The following RABGAP1 variants were observed in gnomAD, a reference collection of about 807,000 sequenced individuals.
The protein encoded by RABGAP1 is RAB GTPase activating protein 1, also known as rab GTPase-activating protein 1.
In RABGAP1, 23 loss-of-function variants were observed where a neutral mutation model predicts 137.6. That is an observed-to-expected ratio of 0.17 (90% confidence interval 0.12 to 0.24). The LOEUF (loss-of-function observed/expected upper bound fraction) is 0.24. Among genes scored for constraint, RABGAP1 ranks in the 10% least tolerant of loss-of-function variants. The pLI, the probability that RABGAP1 is intolerant of heterozygous loss-of-function variation, is 1.00. For missense variants in RABGAP1, 906 were observed against 1,275.8 expected, an observed-to-expected ratio of 0.71 and a Z score of 4.42; for synonymous variants, 451 against 450.7, an observed-to-expected ratio of 1.00 and a Z score of -0.01.
chr9:123,034,246 A>T, intron 13 of RABGAP1: 1 of 373,776 alleles, frequency 2.7e-6, no homozygotes. Flanking sequence ...CTTTCCCCCT[A>T]CCCTCACTTG....
In RABGAP1 at chr9:123,018,155, C is replaced by T. The variant is rs917746853; in HGVS notation, c.1644-2154C>T. Reference sequence around the variant, plus strand: ...GACTACAGGTGCCCGCCACCTCGTCCGGCTAATTTTTTGTATTTTTAGTAG... The same window carrying T: ...GACTACAGGTGCCCGCCACCTCGTCTGGCTAATTTTTTGTATTTTTAGTAG... On this transcript the variant is annotated intron_variant, in intron 12 of 25. Coordinates refer to ENST00000373647, the MANE Select transcript of RABGAP1 (RefSeq NM_012197.4). Among the ~76,000 whole-genome samples the T allele has an allele frequency of 2.0e-4, 31 of 152,174 alleles. No individual in the cohort carries two copies. In the East Asian group the frequency reaches 5.2e-3, roughly 26 times the overall value.
chr9:123,036,660 T>G (rs534077879), intron 13 of RABGAP1, among the ~76,000 whole-genome samples: 1 of 152,330 alleles, frequency 6.6e-6, no homozygotes, highest in East Asian at 1.9e-4. Flanking sequence ...ACATTTTCTT[T>G]GTGGTTAAAT....
chr9:123,097,887 G>C, intron 22 of RABGAP1, 42 bp downstream of exon 22: 1 of 1,536,234 alleles, frequency 6.5e-7, no homozygotes, highest in Non-Finnish European at 8.9e-7. Flanking sequence ...GCAAATGCTT[G>C]AGAACTGGGA....
chr9:122,975,420 C>A (rs1341221008), intron 2 of RABGAP1, among the ~76,000 whole-genome samples: 4 of 152,146 alleles, frequency 2.6e-5, no homozygotes. Flanking sequence ...TCCTTTGGTT[C>A]CATAAATGCA....
At chr9:122,954,104 T>G (rs1834392021) in intron 1 of RABGAP1, among the ~76,000 whole-genome samples, 1 of 152,196 alleles carries the variant, frequency 6.6e-6, no homozygotes, top group Non-Finnish European at 1.5e-5. Flanking sequence ...GGATGAAGAA[T>G]TAGAGTAAGG....
At chr9:123,073,495 G>A in intron 15 of RABGAP1, 57 bp from the exon 16 acceptor site, 1 of 1,567,920 alleles carries the variant, frequency 6.4e-7, no homozygotes, top group Non-Finnish European at 8.6e-7. Context: ...ACTTCTGTAT[G>A]TTTTGTGATT....
At chr9:123,100,330 C>T (rs978299055) in intron 24 of RABGAP1, among the ~76,000 whole-genome samples, 1 of 151,674 alleles carries the variant, frequency 6.6e-6, no homozygotes, top group Admixed American at 6.6e-5. Context: ...CGCAAAGCAA[C>T]ATTACCTAGA....
intron 13 of RABGAP1, among the ~76,000 whole-genome samples, chr9:123,057,767 AGCACTGAGTGAACGAGACTCCGTCT>A (rs1158362518): frequency 6.6e-6 from 1 of 152,168 alleles, no homozygotes; most frequent in Non-Finnish European, 1.5e-5. Flanking sequence ...GGCACCATTG[AGCACTGAGTGAACGAGACTCCGTCT>A]GCAATCCCAG....
chr9:122,990,125 A>G lies in RABGAP1; in HGVS notation c.835A>G (p.Thr279Ala). 1 of 1,610,858 alleles carries G rather than the reference A, an allele frequency of 6.2e-7. No individual in the cohort carries two copies. The highest frequency in any genetic ancestry group is 8.5e-7 in the Non-Finnish European group (1 of 1,177,108). Residue 279 changes from threonine (T) to alanine (A), a missense_variant, in exon 6 of 26, where the codon ACT (threonine) becomes GCT (alanine). Physicochemically the swap from Thr to Ala is moderately conservative, Grantham distance 58. This residue lies in a region of RABGAP1 where 331 missense variants were observed against 358.3 expected (regional missense o/e 0.92). Transcript: ENST00000373647. The stretch of plus-strand genomic sequence containing the variant: ...TGCCAAGCAGACCCCACTTTCAGCC[A>G]CTGCTGCACCCCAGACTCCTGACAG... Reference protein sequence around the residue: ...RSAKQTPLSATAAPQTPDSDI... With the variant: ...RSAKQTPLSAAAAPQTPDSDI...
intron 2 of RABGAP1, among the ~76,000 whole-genome samples, chr9:122,974,761 C>T (rs1243037509): frequency 1.3e-5 from 2 of 152,154 alleles, no homozygotes; most frequent in African/African-American, 4.8e-5. Flanking sequence ...TTCCCGTCCT[C>T]TTTTTATTTT....
At chr9:122,995,894 G>T in intron 6 of RABGAP1, 147 bp from the exon 7 acceptor site, 1 of 1,357,126 alleles carries the variant, frequency 7.4e-7, no homozygotes, top group East Asian at 2.7e-5. Flanking sequence ...ACATCAAGAG[G>T]CATAGAATGA....
intron 8 of RABGAP1, 108 bp from the exon 9 acceptor site, chr9:122,997,151 C>T (rs1388978479): frequency 1.4e-6 from 1 of 739,546 alleles, no homozygotes; most frequent in Non-Finnish European, 2.2e-6. Flanking sequence ...TATCCTCTTC[C>T]ATATTCTTAT....
Position 122,984,725 on chromosome 9 carries a change from G to A in RABGAP1, c.385+6G>A, listed in dbSNP as rs1836275507. ...AGTGAAACCTGGACAAGGAGGTTAG[G>A]ATTGCTGCATTGCTTGCGTAACTGA... On this transcript the variant is annotated splice_donor_region_variant and intron_variant, in intron 3 of 25. Transcript: ENST00000373647. The A allele has an allele frequency of 6.2e-7, 1 of 1,610,768 alleles. No homozygotes were observed. Among genetic ancestry groups the A allele is most frequent in the South Asian group, 1.1e-5 (1 of 91,010 alleles).
At chr9:123,032,532 G>A (rs1821957708) in intron 13 of RABGAP1, among the ~76,000 whole-genome samples, 2 of 152,152 alleles carry the variant, frequency 1.3e-5, no homozygotes, top group African/African-American at 2.4e-5. Context: ...GTAATTCATC[G>A]CATTCTGATT....
At chr9:123,063,276 C>A (rs953821185) in intron 13 of RABGAP1, 1 of 152,812 alleles carries the variant, frequency 6.5e-6, no homozygotes, top group Admixed American at 6.6e-5. Context: ...TTTTTTAGAG[C>A]TTCTGTTGTT....
At chr9:122,965,430 CTGGAGTGCAGTGGCG>C (rs1406940245) in intron 2 of RABGAP1, among the ~76,000 whole-genome samples, 2 of 152,178 alleles carry the variant, frequency 1.3e-5, no homozygotes, top group African/African-American at 4.8e-5. Flanking sequence ...GTCGCCCAGG[CTGGAGTGCAGTGGCG>C]TGATCTCAAC....
At chr9:123,020,741 C>A in intron 13 of RABGAP1, 1 of 250,340 alleles carries the variant, frequency 4.0e-6, no homozygotes, top group Non-Finnish European at 6.3e-6. Flanking sequence ...ACAACTTGTG[C>A]TATGCAATGT....
At chr9:123,029,439 G>A (rs1256722199) in intron 13 of RABGAP1, 2 of 1,555,400 alleles carry the variant, frequency 1.3e-6, no homozygotes, top group East Asian at 4.5e-5. Flanking sequence ...TAAATTACTT[G>A]AGCTCTGTGC....
chr9:122,977,282 T>C (rs1835811724), intron 2 of RABGAP1, among the ~76,000 whole-genome samples: 1 of 152,020 alleles, frequency 6.6e-6, no homozygotes, highest in Non-Finnish European at 1.5e-5. Context: ...GCAGAGAAGA[T>C]AGAAGGGAAA....
Sources: allele counts gnomAD v4.1 joint callset (sites outside exome capture counted in the v4.1 genomes callset), GRCh38; gene constraint gnomAD v4.1.1; regional missense constraint gnomAD v4.1.1; transcripts MANE v1.5; gene names NCBI Gene and HGNC (gene_info 2026-07-23, HGNC 2026-07-21).